Variants in FPGS observed in about 807,000 individuals in gnomAD.
FPGS encodes folylpolyglutamate synthase, mitochondrial.
A neutral mutation model predicts 66.5 loss-of-function variants in FPGS; 53 were observed. That is an observed-to-expected ratio of 0.80 (90% CI 0.64 to 1.00). The LOEUF is 1.00. FPGS is among the 50% of genes least tolerant of loss of function. FPGS has a pLI of 0.00. For missense variants in FPGS, 702 were observed against 807.7 expected, an observed-to-expected ratio of 0.87 and a Z score of 1.59; for synonymous variants, 348 against 350.9, an observed-to-expected ratio of 0.99 and a Z score of 0.09.
At chr9:127,804,746 TG>T (rs765974935) in intron 4 of FPGS, 46 bp downstream of exon 4, 1 of 1,596,696 alleles carries the variant, frequency 6.3e-7, no homozygotes, top group African/African-American at 1.3e-5. Flanking sequence ...CAATGGACCC[TG>T]GGGGGCTATG....
At chr9:127,814,091 C>G, downstream of FPGS, 1 of 986,870 alleles carries the variant, frequency 1.0e-6, no homozygotes, top group Non-Finnish European at 1.2e-6. Flanking sequence ...ACCCTTGACC[C>G]CCTGCTCCCT....
chr9:127,803,283 C>A, intron 1 of FPGS: 2 of 1,233,326 alleles, frequency 1.6e-6, no homozygotes, highest in Non-Finnish European at 2.0e-6. Context: ...AGCGTCCCCG[C>A]CCCGGGTTGG....
intron 11 of FPGS, 48 bp downstream of exon 11, chr9:127,808,937 C>A: frequency 1.6e-6 from 2 of 1,282,358 alleles, no homozygotes; most frequent in Non-Finnish European, 2.1e-6. Context: ...TGTGTCTGTG[C>A]CCCTTCAGAT....
downstream of FPGS, chr9:127,814,149 T>A: frequency 1.0e-6 from 1 of 985,888 alleles, no homozygotes; most frequent in Non-Finnish European, 1.2e-6. Context: ...ACCTGCACTG[T>A]GTAGAGGGAG....
Position 127,806,882 on chromosome 9 carries a change from G to T in FPGS, c.387-91G>T, listed in dbSNP as rs541638078. The T allele has an allele frequency of 5.8e-4, 531 of 922,998 alleles. 1 individual carries two copies. In the African/African-American group the frequency reaches 7.9e-3, roughly 14 times the overall value. 57.2% of individuals were successfully genotyped at this position (922,998 alleles called of 1,614,324 possible). On this transcript the variant is annotated intron_variant, in intron 4 of 14. Coordinates refer to ENST00000373247, the MANE Select transcript of FPGS (RefSeq NM_004957.6). ...AACCGAGGGACACAGGAGAGATGAG[G>T]CACGGAGGCCAGTAGCATCAGTCCC...
chr9:127,810,078 ACCCGGCGGC>A lies in FPGS; in HGVS notation c.1262_1270del (p.Pro421_Ala423del). The A allele has an allele frequency of 6.3e-7, 1 of 1,599,948 alleles. No homozygotes were observed. The highest frequency in any genetic ancestry group is 1.1e-5 in the South Asian group (1 of 90,818). On this transcript the variant is annotated inframe_deletion, in exon 13 of 15. Transcript: ENST00000373247. ...CTCTTCAATGCTACCGGGGACCGGG[ACCCGGCGGC>A]CCTGCTGAAGCTGCTGCAGGTGAGG...
intron 1 of FPGS, 88 bp downstream of exon 1, chr9:127,803,150 C>G: frequency 2.4e-6 from 3 of 1,231,582 alleles, no homozygotes; most frequent in Non-Finnish European, 3.0e-6. Context: ...CTCCGCTAGC[C>G]GAGAGGGTAT....
chr9:127,805,141 G>A (rs1437256419), intron 4 of FPGS, among the ~76,000 whole-genome samples: 1 of 151,900 alleles, frequency 6.6e-6, no homozygotes, highest in African/African-American at 2.4e-5. Context: ...CGCCCACCTC[G>A]GCCTCCTAAA....
At position 127,813,773 on chromosome 9, in the gene FPGS, T is replaced by C. The variant is rs1205838501; in HGVS notation, c.*169T>C. 1.1e-5 allele frequency: 14 copies of C among 1,309,024 alleles called. No individual in the cohort carries two copies. The highest frequency in any genetic ancestry group is 1.4e-5 in the Non-Finnish European group (14 of 1,035,820). 81.1% of individuals were successfully genotyped at this position (1,309,024 alleles called of 1,614,324 possible). A position where few individuals can be genotyped will look rare whatever the true frequency, so the allele number is the denominator to read the frequency against. ...GGAGAGGATGTCTTTTTTAAGGCTC[T>C]GTGCCTTGGTCTCTCCTTCCTCTTG... On this transcript the variant is annotated 3_prime_UTR_variant, in exon 15 of 15. Transcript: ENST00000373247.
In FPGS at chr9:127,804,411, C is replaced by T; in HGVS notation, c.265C>T (p.Gln89Ter). The change falls in exon 2 of 15, where the codon CAG becomes TAG. Residue 89 changes from glutamine (Q) to a stop codon, truncating the protein, a stop_gained and splice_region_variant. Transcript: ENST00000373247. LOFTEE classifies it high-confidence loss of function. ...MELYLARSGL[Q>*]VEDLDRLNII... is the part of the protein sequence containing the mutation. ...ACTGTACCTGGCACGGAGTGGGCTG[C>T]AGGTAAGGTAGAGAGGGCCTGTGAC... 1 of 1,614,170 alleles carries T rather than the reference C, an allele frequency of 6.2e-7. No individual in the cohort carries two copies. Among genetic ancestry groups the T allele is most frequent in the South Asian group, 1.1e-5 (1 of 91,084 alleles).
At chr9:127,813,103 A>C in intron 14 of FPGS, 92 bp from the exon 15 acceptor site, 1 of 1,489,872 alleles carries the variant, frequency 6.7e-7, no homozygotes, top group East Asian at 2.4e-5. Context: ...CTTGGTGCGA[A>C]GCAGGTGCTC....
chr9:127,808,345 GGGTTTGTGTCCCTCCTGTTTGAGGA>G, intron 9 of FPGS, 34 bp downstream of exon 9: 1 of 1,589,006 alleles, frequency 6.3e-7, no homozygotes, highest in South Asian at 1.1e-5. Context: ...GCGGCAGGGT[GGGTTTGTGTCCCTCCTGTTTGAGGA>G]GGCACTGCAT....
At chr9:127,808,946 A>ATTTTTT in intron 11 of FPGS, 57 bp downstream of exon 11, 4 of 887,784 alleles carry the variant, frequency 4.5e-6, no homozygotes, top group Admixed American at 3.2e-5. Context: ...GCCCCTTCAG[A>ATTTTTT]TTTTTTTTTT....
At position 127,807,353 on chromosome 9, in the gene FPGS, G is replaced by A; in HGVS notation, c.579+67G>A. 6.2e-7 allele frequency: 1 copy of A among 1,611,590 alleles called. No individual in the cohort carries two copies. The highest frequency in any genetic ancestry group is 8.5e-7 in the Non-Finnish European group (1 of 1,177,892). ...GAACGGGAACCTCAGCAGGCCTGGG[G>A]GCTCCCTGCTTCCATGCGGCCTCTG... On this transcript the variant is annotated intron_variant, in intron 6 of 14. Coordinates refer to ENST00000373247, the MANE Select transcript of FPGS (RefSeq NM_004957.6). The surrounding 1 kb of genome is among the most constrained non-coding windows in gnomAD (Gnocchi z 5.8).
intron 11 of FPGS, 42 bp from the exon 12 acceptor site, chr9:127,809,642 G>A (rs766190556): frequency 1.3e-6 from 2 of 1,547,080 alleles, no homozygotes; most frequent in South Asian, 1.2e-5. Context: ...GAGGACGGGG[G>A]TGGGAGAGGG....
chr9:127,803,032 G>A lies in FPGS; in HGVS notation c.108G>A (p.Pro36=), dbSNP rs1829663910. The A allele has an allele frequency of 2.1e-6, 3 of 1,450,116 alleles. No homozygotes were observed. Among genetic ancestry groups the A allele is most frequent in the Admixed American group, 2.8e-5 (1 of 35,252 alleles). 89.8% of individuals were successfully genotyped at this position (1,450,116 alleles called of 1,614,324 possible). The stretch of plus-strand genomic sequence containing the variant: ...CGCGGCGGGGCTTGAGCGCGTGGCC[G>A]GTGCCGCAGGAGCCGAGCATGGAGT... ...VAARRGLSAW[P]VPQEPSMEYQ... The change falls in exon 1 of 15, where the codon CCG becomes CCA. Residue 36 remains proline, a synonymous_variant. Transcript: ENST00000373247.
At chr9:127,810,420 A>G (rs578220447) in intron 13 of FPGS, among the ~76,000 whole-genome samples, 1 of 152,046 alleles carries the variant, frequency 6.6e-6, no homozygotes, top group South Asian at 2.1e-4. Flanking sequence ...GAGAAGCGGC[A>G]TTTCCCCGAG....
chr9:127,807,817 G>C lies in FPGS; in HGVS notation c.744+129G>C. On this transcript the variant is annotated intron_variant, in intron 8 of 14. Transcript: ENST00000373247. The surrounding 1 kb of genome is among the most constrained non-coding windows in gnomAD (Gnocchi z 5.8). ...AGACTATTTCCCCATTGAAACGTGA[G>C]GGATGGCTGGGCATGGTGGCTTATA... The C allele has an allele frequency of 1.6e-6, 1 of 634,928 alleles. No homozygotes were observed. The highest frequency in any genetic ancestry group is 2.7e-6 in the Non-Finnish European group (1 of 369,818). 39.3% of individuals were successfully genotyped at this position (634,928 alleles called of 1,614,324 possible).
intron 8 of FPGS, 112 bp from the exon 9 acceptor site, chr9:127,808,122 G>GAA: frequency 1.3e-6 from 1 of 776,378 alleles, no homozygotes; most frequent in South Asian, 1.6e-5. Context: ...GAAAAGAAAA[G>GAA]AAACATGAGG....
Sources: gnomAD v4.1 joint callset for allele counts (sites outside exome capture counted in the v4.1 genomes callset) on GRCh38, gnomAD v4.1.1 for gene constraint, Gnocchi (gnomAD v3.1) non-coding constraint, MANE v1.5 for transcripts, NCBI Gene and HGNC (gene_info 2026-07-23, HGNC 2026-07-21) for gene names.